The following RAD50 variants were observed in gnomAD, a reference collection of about 807,000 sequenced individuals.
RAD50 encodes RAD50 double strand break repair protein.
Under a neutral mutation model 168.8 loss-of-function variants are expected in RAD50, and 132 were observed. The ratio of observed to expected loss-of-function variants is 0.78; its 90% confidence interval spans 0.68 to 0.90. The LOEUF (loss-of-function observed/expected upper bound fraction) is 0.90, where lower values mean the gene tolerates loss of function less well. Ranked by LOEUF, RAD50 falls within the 40% of genes least tolerant of loss-of-function variation. The pLI is 0.00. For missense variants in RAD50, 1,347 were observed against 1,534.4 expected, an observed-to-expected ratio of 0.88 and a Z score of 2.04; for synonymous variants, 525 against 497.4, an observed-to-expected ratio of 1.06 and a Z score of -0.74.
chr5:132,573,443 A>T (rs1166033166), intron 2 of RAD50, among the ~76,000 whole-genome samples: 1 of 152,080 alleles, frequency 6.6e-6, no homozygotes, highest in Admixed American at 6.6e-5. Flanking sequence ...CACAGGAAAG[A>T]CCTGCCCCCG....
At chr5:132,587,485 A>G in intron 5 of RAD50, 77 bp from the exon 6 acceptor site, 2 of 1,573,058 alleles carry the variant, frequency 1.3e-6, no homozygotes, top group Non-Finnish European at 8.6e-7. Context: ...CTGGACCTGG[A>G]GTATCTTACT....
At chr5:132,628,054 A>G (rs772126656) in intron 21 of RAD50, among the ~76,000 whole-genome samples, 3 of 152,242 alleles carry the variant, frequency 2.0e-5, no homozygotes, top group Non-Finnish European at 2.9e-5. Context: ...ACAGGTTGCC[A>G]TTCCCTAAAA....
At chr5:132,636,052 G>A (rs1440027909) in intron 21 of RAD50, among the ~76,000 whole-genome samples, 1 of 152,178 alleles carries the variant, frequency 6.6e-6, no homozygotes, top group Non-Finnish European at 1.5e-5. Context: ...TGATTCTACA[G>A]AGGCAGTAGC....
Position 132,587,586 on chromosome 5 carries a change from A to G in RAD50, c.781A>G (p.Asn261Asp), listed in dbSNP as rs761954026. The G allele has an allele frequency of 6.2e-7, 1 of 1,613,330 alleles. No individual in the cohort carries two copies. The change falls in exon 6 of 25, where the codon AAT becomes GAT. Residue 261 changes from asparagine to aspartate, a missense_variant. By Grantham distance (23) the Asn-to-Asp change is conservative. Transcript: ENST00000378823. Reference sequence around the variant, plus strand: ...GAATCGTCTAAAAGAAATTGAACATAATCTCTCTAAAATAATGAAACTTGA... The same window carrying G: ...GAATCGTCTAAAAGAAATTGAACATGATCTCTCTAAAATAATGAAACTTGA... ...LKNRLKEIEH[N>D]LSKIMKLDNE...
intron 9 of RAD50, 29 bp from the exon 10 acceptor site, chr5:132,591,195 C>G (rs779492115): frequency 6.4e-7 from 1 of 1,567,600 alleles, no homozygotes; most frequent in Non-Finnish European, 8.8e-7. Flanking sequence ...ATATATAACA[C>G]CTTTGCATTT....
At chr5:132,569,607 T>C (rs1392802831) in intron 2 of RAD50, among the ~76,000 whole-genome samples, 2 of 152,216 alleles carry the variant, frequency 1.3e-5, no homozygotes, top group African/African-American at 4.8e-5. Flanking sequence ...ATGGAAAATT[T>C]TAACAACACT....
chr5:132,580,075 AT>A lies in RAD50; in HGVS notation c.756+13del. On this transcript the variant is annotated intron_variant, in intron 5 of 24. Coordinates refer to ENST00000378823, the MANE Select transcript of RAD50 (RefSeq NM_005732.4). The stretch of plus-strand genomic sequence containing the variant: ...AACTTGATCCATTGAAGGTAACTTG[AT>A]TTTATTTTTAATTGACAAAAATTGT... 1 of 1,598,310 alleles carries A rather than the reference AT, an allele frequency of 6.3e-7. No individual in the cohort carries two copies. Among genetic ancestry groups the A allele is most frequent in the Non-Finnish European group, 8.6e-7 (1 of 1,165,998 alleles).
chr5:132,562,755 A>G (rs937682682), intron 2 of RAD50, among the ~76,000 whole-genome samples: 13 of 152,136 alleles, frequency 8.5e-5, no homozygotes, highest in African/African-American at 2.9e-4. Context: ...TAATTTTTAA[A>G]GCCTGATGAG....
chr5:132,640,724 A>C lies in RAD50; in HGVS notation c.3671A>C (p.Asn1224Thr), dbSNP rs756860186. Reference protein sequence around the residue: ...RLALAETFCLNCGIIALDEPT... With the variant: ...RLALAETFCLTCGIIALDEPT... The stretch of plus-strand genomic sequence containing the variant: ...GCCCTGGCTGAAACGTTCTGCCTCA[A>C]CTGTGGCATCATTGCCTTGGATGAG... Residue 1224 changes from asparagine (N) to threonine (T), a missense_variant, in exon 24 of 25, where the codon AAC (asparagine) becomes ACC (threonine). Physicochemically the swap from Asn to Thr is moderately conservative, Grantham distance 65. This residue lies in a region of RAD50 where 635 missense variants were observed against 739.2 expected (regional missense o/e 0.86). Transcript: ENST00000378823. 6.2e-7 allele frequency: 1 copy of C among 1,614,212 alleles called. No homozygotes were observed. Among genetic ancestry groups the C allele is most frequent in the South Asian group, 1.1e-5 (1 of 91,088 alleles).
intron 2 of RAD50, among the ~76,000 whole-genome samples, chr5:132,563,968 CA>C (rs1476982172): frequency 5.9e-5 from 9 of 152,182 alleles, no homozygotes; most frequent in African/African-American, 2.2e-4. Context: ...CACCTTCTGC[CA>C]TGATTGTAAG....
chr5:132,596,701 A>T (rs887140435), intron 13 of RAD50, among the ~76,000 whole-genome samples: 2 of 152,242 alleles, frequency 1.3e-5, no homozygotes, highest in African/African-American at 4.8e-5. Flanking sequence ...CCAGGAGCTA[A>T]TGGTCTGATT....
chr5:132,613,056 A>C (rs1581007046), intron 19 of RAD50, among the ~76,000 whole-genome samples: 1 of 151,234 alleles, frequency 6.6e-6, no homozygotes, highest in East Asian at 1.9e-4. Flanking sequence ...TTGGACTGTA[A>C]TCTGTTCAGC....
In RAD50 at chr5:132,643,612, C is replaced by CA. The variant is rs1354001284; in HGVS notation, c.*1249dup. 2 of 224,934 alleles carry CA rather than the reference C, an allele frequency of 8.9e-6. No individual in the cohort carries two copies. The highest frequency in any genetic ancestry group is 1.8e-5 in the Non-Finnish European group (2 of 113,176). The allele number at this position is 224,934 out of a possible 1,614,324, so 13.9% of individuals were successfully genotyped here. On this transcript the variant is annotated 3_prime_UTR_variant, in exon 25 of 25. Transcript: ENST00000378823. ...TAAATGGTTGGCCCCCAAAGATAGA[C>CA]AGGTCCTGATTTCTAGAACCCGTGA...
At chr5:132,584,187 T>G (rs530718780) in intron 5 of RAD50, among the ~76,000 whole-genome samples, 1 of 152,346 alleles carries the variant, frequency 6.6e-6, no homozygotes, top group East Asian at 1.9e-4. Context: ...TCCTGATTTT[T>G]ATTGATCGCC....
intron 13 of RAD50, among the ~76,000 whole-genome samples, chr5:132,599,587 C>T (rs1750850742): frequency 6.6e-6 from 1 of 152,098 alleles, no homozygotes; most frequent in Non-Finnish European, 1.5e-5. Context: ...GGGTCTTGCT[C>T]CTGTCACCCA....
At chr5:132,623,963 C>A (rs913840269) in intron 21 of RAD50, among the ~76,000 whole-genome samples, 1 of 152,086 alleles carries the variant, frequency 6.6e-6, no homozygotes, top group East Asian at 1.9e-4. Flanking sequence ...TTAGGAAGTA[C>A]GTAATCATGT....
At chr5:132,597,008 G>A (rs916589311) in intron 13 of RAD50, among the ~76,000 whole-genome samples, 9 of 152,214 alleles carry the variant, frequency 5.9e-5, no homozygotes, top group African/African-American at 2.2e-4. Context: ...AGTCCTGTAT[G>A]TTGGGGAGAT....
At chr5:132,578,524 CTT>C (rs903882684) in intron 3 of RAD50, among the ~76,000 whole-genome samples, 1,226 of 84,334 alleles carry the variant, frequency 0.015, 11 homozygotes, top group African/African-American at 0.058. Flanking sequence ...TTTTTTCTTT[CTT>C]TTTTTTTTTT....
At chr5:132,619,815 CCTCTCTCTCT>C (rs58174018) in intron 21 of RAD50, among the ~76,000 whole-genome samples, 1 of 118,358 alleles carries the variant, frequency 8.4e-6, no homozygotes, top group Non-Finnish European at 1.6e-5. Context: ...TCTCTCTACT[CCTCTCTCTCT>C]CTCTCTCTCT....
Sources: allele counts gnomAD v4.1 joint callset (sites outside exome capture counted in the v4.1 genomes callset), GRCh38; gene constraint gnomAD v4.1.1; regional missense constraint gnomAD v4.1.1; transcripts MANE v1.5; gene names NCBI Gene and HGNC (gene_info 2026-07-23, HGNC 2026-07-21).